MALRD1: variants seen among roughly 807,000 people sequenced by gnomAD.
MALRD1 encodes the protein MAM and LDL receptor class A domain containing 1, also known as MAM and LDL-receptor class A domain-containing protein 1.
In MALRD1, 247 loss-of-function variants were observed where a neutral mutation model predicts 242.1. The ratio of observed to expected loss-of-function variants is 1.02; its 90% CI spans 0.92 to 1.13. The LOEUF is 1.13. Among genes scored for constraint, MALRD1 ranks in the 50% most tolerant of loss-of-function variants. MALRD1 has a pLI of 0.00. For synonymous variants in MALRD1, 995 were observed against 866.6 expected, an observed-to-expected ratio of 1.15 and a Z score of -2.60; for missense variants, 2,989 against 2,533.1, an observed-to-expected ratio of 1.18 and a Z score of -3.86.
chr10:19,187,223 C>G (rs1835778653), intron 14 of MALRD1, among the ~76,000 whole-genome samples: 1 of 151,958 alleles, frequency 6.6e-6, no homozygotes, highest in Non-Finnish European at 1.5e-5. Flanking sequence ...GCCCTGCTTC[C>G]TAGCTGGGGA....
At chr10:19,355,610 A>G (rs1209932493) in intron 26 of MALRD1, among the ~76,000 whole-genome samples, 1 of 151,052 alleles carries the variant, frequency 6.6e-6, no homozygotes, top group Non-Finnish European at 1.5e-5. Flanking sequence ...TAACTCTTAC[A>G]TTCAAGCAGA....
At chr10:19,219,989 C>A (rs1938280862) in intron 18 of MALRD1, among the ~76,000 whole-genome samples, 1 of 152,102 alleles carries the variant, frequency 6.6e-6, no homozygotes, top group Admixed American at 6.5e-5. Flanking sequence ...TGGATGGCAG[C>A]CTTAAACAAT....
chr10:19,174,204 A>G (rs1303175664), intron 13 of MALRD1, among the ~76,000 whole-genome samples: 1 of 152,160 alleles, frequency 6.6e-6, no homozygotes, highest in Non-Finnish European at 1.5e-5. Flanking sequence ...CCAGGTATAG[A>G]TAGGGTAGGA....
intron 36 of MALRD1, among the ~76,000 whole-genome samples, chr10:19,677,471 G>A (rs1200900903): frequency 1.3e-5 from 2 of 152,184 alleles, no homozygotes; most frequent in Middle Eastern, 3.2e-3. Context: ...CTTCTTTCGA[G>A]AAGTGTTTGT....
intron 19 of MALRD1, among the ~76,000 whole-genome samples, chr10:19,262,686 T>C (rs1445698856): frequency 6.7e-6 from 1 of 149,732 alleles, no homozygotes; most frequent in East Asian, 2.0e-4. Flanking sequence ...ACTTAAGATC[T>C]ACTCTCAGCA....
intron 28 of MALRD1, among the ~76,000 whole-genome samples, chr10:19,407,029 C>T (rs1197364300): frequency 6.6e-6 from 1 of 152,172 alleles, no homozygotes; most frequent in Non-Finnish European, 1.5e-5. Context: ...GGACTGTCTT[C>T]CTGATGAATT....
intron 38 of MALRD1, among the ~76,000 whole-genome samples, chr10:19,719,242 A>ACATACATATATATATATGTG (rs1564567513): frequency 5.0e-5 from 6 of 119,754 alleles, no homozygotes; most frequent in Non-Finnish European, 9.2e-5. Flanking sequence ...ATATATATAT[A>ACATACATATATATATATGTG]TATATATATA....
At chr10:19,561,794 A>C (rs921802214) in intron 32 of MALRD1, among the ~76,000 whole-genome samples, 2 of 151,274 alleles carry the variant, frequency 1.3e-5, no homozygotes, top group Admixed American at 6.6e-5. Flanking sequence ...CTTCTCCCCC[A>C]TGGAGAACTA....
At chr10:19,246,355 T>C (rs1336484736) in intron 18 of MALRD1, among the ~76,000 whole-genome samples, 1 of 152,142 alleles carries the variant, frequency 6.6e-6, no homozygotes, top group East Asian at 1.9e-4. Context: ...GGGGATACTG[T>C]CCAGGTCACT....
At chr10:19,056,378 A>G (rs915697744) in intron 1 of MALRD1, among the ~76,000 whole-genome samples, 4 of 151,976 alleles carry the variant, frequency 2.6e-5, no homozygotes, top group Admixed American at 1.3e-4. Context: ...TCGGTGTTTT[A>G]TAGTTTTCAG....
chr10:19,314,484 T>G (rs749176864), intron 21 of MALRD1, among the ~76,000 whole-genome samples: 4 of 151,564 alleles, frequency 2.6e-5, no homozygotes, highest in Non-Finnish European at 4.4e-5. Flanking sequence ...CATGATGTAT[T>G]TAAGTAATTG....
chr10:19,244,708 C>T (rs1296717897), intron 18 of MALRD1, among the ~76,000 whole-genome samples: 5 of 152,140 alleles, frequency 3.3e-5, no homozygotes, highest in African/African-American at 7.2e-5. Flanking sequence ...CAACGTGCAA[C>T]GTGCAACCTA....
intron 36 of MALRD1, among the ~76,000 whole-genome samples, chr10:19,634,101 A>G (rs1840026431): frequency 6.6e-6 from 1 of 152,020 alleles, no homozygotes; most frequent in Admixed American, 6.6e-5. Flanking sequence ...TCGGCCTTCC[A>G]AAGTGCTGGG....
At chr10:19,052,824 T>C (rs529573587) in intron 1 of MALRD1, among the ~76,000 whole-genome samples, 2 of 152,336 alleles carry the variant, frequency 1.3e-5, no homozygotes, top group East Asian at 1.9e-4. Context: ...CCCTCTGAGA[T>C]TGGCCTTTGG....
chr10:19,454,732 A>G (rs964168509), intron 29 of MALRD1, among the ~76,000 whole-genome samples: 2 of 151,190 alleles, frequency 1.3e-5, no homozygotes, highest in African/African-American at 2.4e-5. Flanking sequence ...ACACACACAC[A>G]CACACACACA....
At chr10:19,539,454 T>C (rs901036046) in intron 32 of MALRD1, among the ~76,000 whole-genome samples, 2 of 152,224 alleles carry the variant, frequency 1.3e-5, no homozygotes, top group Non-Finnish European at 2.9e-5. Flanking sequence ...TAAAATCTAA[T>C]TCTTTAAAAG....
At chr10:19,727,095 G>A (rs185350478) in intron 38 of MALRD1, among the ~76,000 whole-genome samples, 1 of 152,124 alleles carries the variant, frequency 6.6e-6, no homozygotes, top group East Asian at 1.9e-4. Context: ...AATTTTATGT[G>A]ATATATACCA....
chr10:19,715,844 A>G (rs769800825), intron 38 of MALRD1, among the ~76,000 whole-genome samples: 11 of 152,152 alleles, frequency 7.2e-5, no homozygotes, highest in Non-Finnish European at 1.5e-4. Context: ...ATGCTCTTGT[A>G]AACAACTAGA....
intron 31 of MALRD1, among the ~76,000 whole-genome samples, chr10:19,499,163 C>G (rs965568891): frequency 6.6e-6 from 1 of 152,108 alleles, no homozygotes; most frequent in African/African-American, 2.4e-5. Flanking sequence ...CCTGTGATTT[C>G]AGATTATGCA....
Sources: gnomAD v4.1 joint callset for allele counts (sites outside exome capture counted in the v4.1 genomes callset) on GRCh38, gnomAD v4.1.1 for gene constraint, MANE v1.5 for transcripts, NCBI Gene and HGNC (gene_info 2026-07-23, HGNC 2026-07-21) for gene names.